The following IL20RA variants were observed in gnomAD, a reference collection of about 807,000 sequenced individuals.
IL20RA encodes the protein interleukin-20 receptor subunit alpha.
In IL20RA, 29 loss-of-function variants were observed where a neutral mutation model predicts 36.5. That is an observed-to-expected ratio of 0.79 (90% CI 0.59 to 1.08). The LOEUF (loss-of-function observed/expected upper bound fraction) is 1.08, where lower values mean the gene tolerates loss of function less well. Ranked by LOEUF, IL20RA falls within the 50% of genes least tolerant of loss-of-function variation. The pLI, the probability that IL20RA is intolerant of heterozygous loss-of-function variation, is 0.00. For missense variants in IL20RA, 652 were observed against 668.4 expected (o/e 0.98, Z 0.27); for synonymous variants, 279 against 267.1 (o/e 1.04, Z -0.43).
chr6:137,034,843 G>A (rs984780919), intron 1 of IL20RA, among the ~76,000 whole-genome samples: 2 of 151,942 alleles, frequency 1.3e-5, no homozygotes, highest in Non-Finnish European at 2.9e-5. Context: ...TACTTGGGAG[G>A]CTGAGGCAGG....
intron 3 of IL20RA, 103 bp downstream of exon 3, chr6:137,011,171 A>T: frequency 1.1e-6 from 1 of 927,262 alleles, no homozygotes. Flanking sequence ...AATACAGCCA[A>T]GCAGAGTACC....
rs1161677794 is a variant in IL20RA, at chr6:137,017,416, AG to A, written c.89-314del. 2.0e-5 allele frequency among the ~76,000 whole-genome samples: 3 copies of A among 152,320 alleles called. No individual in the cohort carries two copies. In the East Asian group the frequency reaches 5.8e-4, roughly 29 times the overall value. ...CCAGCTGAGCCCAGCCTTCCAATTAAGGGGCCACAATGAAGTTACTGTGGCC... is the reference window on the plus strand; with the variant it reads ...CCAGCTGAGCCCAGCCTTCCAATTAAGGGCCACAATGAAGTTACTGTGGCC... On this transcript the variant is annotated intron_variant, in intron 1 of 6. Coordinates refer to ENST00000316649, the MANE Select transcript of IL20RA (RefSeq NM_014432.4).
intron 4 of IL20RA, 128 bp downstream of exon 4, chr6:137,009,189 C>T (rs988301084): frequency 5.1e-5 from 42 of 821,286 alleles, no homozygotes; most frequent in Admixed American, 1.3e-4. Context: ...TTATTTTGTG[C>T]GGCGTATCTT....
At chr6:137,026,697 C>T (rs148596400) in intron 1 of IL20RA, among the ~76,000 whole-genome samples, 298 of 152,224 alleles carry the variant, frequency 2.0e-3, no homozygotes, top group African/African-American at 6.4e-3. Context: ...ACATTCTAAC[C>T]GCCGAAGAGC....
At chr6:137,022,287 ACTC>A (rs1159869168) in intron 1 of IL20RA, among the ~76,000 whole-genome samples, 1 of 151,726 alleles carries the variant, frequency 6.6e-6, no homozygotes, top group Non-Finnish European at 1.5e-5. Flanking sequence ...GCAAGCAGAA[ACTC>A]CTCCTCTTTT....
At chr6:137,026,731 A>G (rs2115404471) in intron 1 of IL20RA, among the ~76,000 whole-genome samples, 1 of 152,332 alleles carries the variant, frequency 6.6e-6, no homozygotes, top group South Asian at 2.1e-4. Flanking sequence ...CTGCCTTCAC[A>G]TAGATTATCT....
At position 137,044,608 on chromosome 6, in the gene IL20RA, C is replaced by T. The variant is rs1012667212; in HGVS notation, c.88+33G>A. On this transcript the variant is annotated intron_variant, in intron 1 of 6. Coordinates refer to ENST00000316649, the MANE Select transcript of IL20RA (RefSeq NM_014432.4). ...GGCGGGGCCCCGGCCTGGAGGCATC[C>T]CCGACCCGCACCTGGCGGCGCGACC... 3.3e-6 allele frequency: 4 copies of T among 1,219,994 alleles called. No individual in the cohort carries two copies. In the East Asian group the frequency reaches 1.3e-4, roughly 40 times the overall value. The allele number at this position is 1,219,994 out of a possible 1,614,324, so 75.6% of individuals were successfully genotyped here.
At chr6:137,031,080 A>T (rs1239712324) in intron 1 of IL20RA, among the ~76,000 whole-genome samples, 1 of 152,250 alleles carries the variant, frequency 6.6e-6, no homozygotes, top group African/African-American at 2.4e-5. Context: ...TGCCATTATT[A>T]TCAGTAATAA....
chr6:137,006,711 C>T (rs370005219), intron 5 of IL20RA, among the ~76,000 whole-genome samples: 3 of 150,378 alleles, frequency 2.0e-5, no homozygotes, highest in Non-Finnish European at 3.0e-5. Flanking sequence ...CTTATTATTC[C>T]GTTAATTTTT....
chr6:137,004,164 T>TGG (rs1775185308), intron 6 of IL20RA, among the ~76,000 whole-genome samples: 1 of 119,086 alleles, frequency 8.4e-6, no homozygotes, highest in Non-Finnish European at 1.8e-5. Flanking sequence ...GAAAGCTTTT[T>TGG]TTTTTTTTTT....
Position 137,044,869 on chromosome 6 carries a change from G to T in IL20RA, c.-141C>A. 1.3e-6 allele frequency: 1 copy of T among 776,804 alleles called. No individual in the cohort carries two copies. Among genetic ancestry groups the T allele is most frequent in the Non-Finnish European group, 1.7e-6 (1 of 584,748 alleles). The allele number at this position is 776,804 out of a possible 1,614,324, so 48.1% of individuals were successfully genotyped here. ...CTCCAGGCGACCTGAGTCCCAGGGC[G>T]CCTCCGCCACAGCCGCGTCCCCCAG... is the stretch of plus-strand genomic sequence containing the variant. On this transcript the variant is annotated 5_prime_UTR_variant, in exon 1 of 7. Coordinates refer to ENST00000316649, the MANE Select transcript of IL20RA (RefSeq NM_014432.4).
intron 5 of IL20RA, among the ~76,000 whole-genome samples, chr6:137,005,467 C>T (rs1263682523): frequency 1.3e-5 from 2 of 152,130 alleles, no homozygotes; most frequent in African/African-American, 4.8e-5. Flanking sequence ...GCAGCCCTGG[C>T]CCACACCATT....
chr6:137,027,202 A>G (rs546682263), intron 1 of IL20RA, among the ~76,000 whole-genome samples: 37 of 152,274 alleles, frequency 2.4e-4, no homozygotes, highest in African/African-American at 8.7e-4. Flanking sequence ...TCTTCTAAAC[A>G]GCACTTACAA....
chr6:137,009,258 T>C, intron 4 of IL20RA, 59 bp downstream of exon 4: 1 of 1,379,258 alleles, frequency 7.3e-7, no homozygotes, highest in South Asian at 1.2e-5. Flanking sequence ...GGGTTGTTTG[T>C]TCCCACATTA....
At chr6:137,027,705 C>T (rs1776142559) in intron 1 of IL20RA, among the ~76,000 whole-genome samples, 2 of 152,232 alleles carry the variant, frequency 1.3e-5, no homozygotes, top group Non-Finnish European at 2.9e-5. Flanking sequence ...GAATTATTCG[C>T]TCAGTATTGT....
intron 6 of IL20RA, among the ~76,000 whole-genome samples, chr6:137,003,491 T>A (rs1332670733): frequency 6.6e-6 from 1 of 152,208 alleles, no homozygotes; most frequent in Non-Finnish European, 1.5e-5. Context: ...ATTCCATGTC[T>A]TTCTCTCTAG....
At position 137,014,152 on chromosome 6, in the gene IL20RA, G is replaced by A. The variant is rs141118436; in HGVS notation, c.225-2700C>T. On this transcript the variant is annotated intron_variant, in intron 2 of 6. Transcript: ENST00000316649. The stretch of plus-strand genomic sequence containing the variant: ...CCTTGGAAATGAGAATGAGGTTCTA[G>A]ATAAATGAGGTCACTGTGAGTCGCT... 2.9e-3 allele frequency among the ~76,000 whole-genome samples: 440 copies of A among 152,328 alleles called. 1 individual carries two copies. The highest frequency in any genetic ancestry group is 0.01 in the African/African-American group (421 of 41,560).
intron 1 of IL20RA, among the ~76,000 whole-genome samples, chr6:137,030,811 A>C (rs1024036335): frequency 6.6e-6 from 1 of 152,192 alleles, no homozygotes; most frequent in Non-Finnish European, 1.5e-5. Flanking sequence ...AAAATGAAAA[A>C]AAAAAGTTTC....
At position 137,003,623 on chromosome 6, in the gene IL20RA, T is replaced by A. The variant is rs572384024; in HGVS notation, c.864+998A>T. On this transcript the variant is annotated intron_variant, in intron 6 of 6. Coordinates refer to ENST00000316649, the MANE Select transcript of IL20RA (RefSeq NM_014432.4). ...GCTCTAAGTTTTCCTGGAACTAATATCTGGTTGGATCTAAACCTTGATACT... is the reference window on the plus strand; with the variant it reads ...GCTCTAAGTTTTCCTGGAACTAATAACTGGTTGGATCTAAACCTTGATACT... Among the ~76,000 whole-genome samples, 3 of 152,332 alleles carry A rather than the reference T, an allele frequency of 2.0e-5. No homozygotes were observed. In the East Asian group the frequency reaches 5.8e-4, roughly 29 times the overall value.
Sources: allele counts gnomAD v4.1 joint callset (sites outside exome capture counted in the v4.1 genomes callset), GRCh38; gene constraint gnomAD v4.1.1; transcripts MANE v1.5; gene names NCBI Gene and HGNC (gene_info 2026-07-23, HGNC 2026-07-21).